Variants in FGF14 observed in about 807,000 individuals in gnomAD.
FGF14 encodes the protein fibroblast growth factor homologous factor 4.
A neutral mutation model predicts 25.5 loss-of-function variants in FGF14; 5 were observed. The ratio of observed to expected loss-of-function variants is 0.20; its 90% confidence interval spans 0.10 to 0.41. FGF14 has a LOEUF of 0.41. Among genes scored for constraint, FGF14 ranks in the 10% least tolerant of loss-of-function variants. FGF14 has a pLI of 1.00. For missense variants in FGF14, 222 were observed against 320.1 expected (o/e 0.69, Z 2.34); for synonymous variants, 138 against 118.3 (o/e 1.17, Z -1.08).
intron 1 of FGF14, among the ~76,000 whole-genome samples, chr13:102,364,272 G>A (rs1161602872): frequency 3.9e-5 from 6 of 152,206 alleles, no homozygotes; most frequent in African/African-American, 1.4e-4. Flanking sequence ...CAGGCACCAC[G>A]CTTGAGGTTT....
chr13:101,776,737 T>C (rs868743395), intron 3 of FGF14, among the ~76,000 whole-genome samples: 7 of 152,356 alleles, frequency 4.6e-5, no homozygotes, highest in Non-Finnish European at 7.3e-5. Flanking sequence ...TGTGCAATAC[T>C]GTCTTAGTAC....
intron 3 of FGF14, among the ~76,000 whole-genome samples, chr13:101,843,584 TAACTC>T (rs977599635): frequency 6.6e-6 from 1 of 152,032 alleles, no homozygotes; most frequent in African/African-American, 2.4e-5. Context: ...CTTGAGTAGT[TAACTC>T]TAGTTATAGG....
chr13:101,887,874 A>G (rs1242037120), intron 1 of FGF14, among the ~76,000 whole-genome samples: 2 of 152,202 alleles, frequency 1.3e-5, no homozygotes, highest in Non-Finnish European at 2.9e-5. Flanking sequence ...TTATGTATCA[A>G]AAAATTAACA....
At chr13:101,784,925 G>C (rs905254566) in intron 3 of FGF14, among the ~76,000 whole-genome samples, 1 of 152,202 alleles carries the variant, frequency 6.6e-6, no homozygotes, top group Admixed American at 6.5e-5. Flanking sequence ...CAATAGGCTA[G>C]TGAGGTCATG....
chr13:102,394,372 G>A lies in FGF14; in HGVS notation c.208+7099C>T, dbSNP rs1358605944. 3.3e-5 allele frequency: 5 copies of A among 152,570 alleles called. No homozygotes were observed. The East Asian group carries it at 9.6e-4, about 29-fold the overall frequency. The allele number at this position is 152,570 out of a possible 1,614,324, so 9.5% of individuals were successfully genotyped here. On this transcript the variant is annotated intron_variant, in intron 1 of 4. Coordinates refer to the FGF14 transcript ENST00000376131. ...GAGTGACCTTGCAAACCCGCGCCCCGCGGGCGGCAGAGCCGGCCGCTCACT... is the reference window on the plus strand; with the variant it reads ...GAGTGACCTTGCAAACCCGCGCCCCACGGGCGGCAGAGCCGGCCGCTCACT...
chr13:101,769,178 A>G (rs1183288181), intron 3 of FGF14, among the ~76,000 whole-genome samples: 1 of 152,208 alleles, frequency 6.6e-6, no homozygotes, highest in Non-Finnish European at 1.5e-5. Flanking sequence ...AAGAAGATAT[A>G]CAGATGGCAC....
chr13:101,947,739 A>T (rs1434732432), intron 1 of FGF14, among the ~76,000 whole-genome samples: 3 of 152,198 alleles, frequency 2.0e-5, no homozygotes, highest in Non-Finnish European at 4.4e-5. Context: ...TACTCTTCCC[A>T]CTACATAGGT....
chr13:101,813,542 A>C (rs748032292), intron 3 of FGF14, among the ~76,000 whole-genome samples: 2 of 152,154 alleles, frequency 1.3e-5, no homozygotes, highest in African/African-American at 4.8e-5. Context: ...CAGCCCCTAG[A>C]ATGGCAAAAA....
chr13:102,185,840 G>A (rs1181744688), intron 1 of FGF14, among the ~76,000 whole-genome samples: 1 of 152,134 alleles, frequency 6.6e-6, no homozygotes, highest in Non-Finnish European at 1.5e-5. Flanking sequence ...GCATTACTGC[G>A]ATGATATGAG....
intron 1 of FGF14, among the ~76,000 whole-genome samples, chr13:102,008,890 T>G (rs942562880): frequency 6.6e-6 from 1 of 152,176 alleles, no homozygotes; most frequent in Non-Finnish European, 1.5e-5. Context: ...TTACTCCTGT[T>G]ATACGATCTA....
In FGF14 at chr13:102,374,689, T is replaced by C. The variant is rs1380547116; in HGVS notation, c.208+26782A>G. ...ATATATATATATATATATATATATA[T>C]ATATATATGTCAGTAAGCAGACGTG... On this transcript the variant is annotated intron_variant, in intron 1 of 4. Transcript: ENST00000376131. Among the ~76,000 whole-genome samples the C allele has an allele frequency of 3.5e-5, 4 of 113,626 alleles. No homozygotes were observed. In the East Asian group the frequency reaches 8.7e-4, roughly 25 times the overall value. The allele number at this position is 113,626 out of a possible 152,430, so 74.5% of individuals were successfully genotyped here.
intron 1 of FGF14, among the ~76,000 whole-genome samples, chr13:102,047,414 G>A (rs953568150): frequency 6.6e-6 from 1 of 152,040 alleles, no homozygotes; most frequent in African/African-American, 2.4e-5. Flanking sequence ...AAAATTACTG[G>A]CCTGTTCAGG....
intron 1 of FGF14, among the ~76,000 whole-genome samples, chr13:102,156,324 G>A (rs2047336181): frequency 6.6e-6 from 1 of 152,138 alleles, no homozygotes; most frequent in Non-Finnish European, 1.5e-5. Flanking sequence ...GATCAAGTGG[G>A]CTTCATCCCT....
At position 101,740,063 on chromosome 13, in the gene FGF14, C is replaced by A. The variant is rs2036441187; in HGVS notation, c.409-13253G>T. Among the ~76,000 whole-genome samples, 2 of 152,198 alleles carry A rather than the reference C, an allele frequency of 1.3e-5. 1 individual carries two copies. The highest frequency in any genetic ancestry group is 4.1e-4 in the South Asian group (2 of 4,832). Reference sequence around the variant, plus strand: ...AGGGCATGAAACCCCTGTCACGTATCCCCTAGATTGCTCAATCAATCACAA... The same window carrying A: ...AGGGCATGAAACCCCTGTCACGTATACCCTAGATTGCTCAATCAATCACAA... On this transcript the variant is annotated intron_variant, in intron 3 of 4. Coordinates refer to ENST00000376143, the MANE Select transcript of FGF14 (RefSeq NM_004115.4).
intron 3 of FGF14, among the ~76,000 whole-genome samples, chr13:101,782,464 C>T (rs980911507): frequency 9.2e-5 from 14 of 152,098 alleles, no homozygotes; most frequent in African/African-American, 2.2e-4. Flanking sequence ...ATTTGTTGCA[C>T]GGATTATTTC....
chr13:102,308,916 C>CAAAAAAAAAAA (rs71125061), intron 1 of FGF14, among the ~76,000 whole-genome samples: 3 of 61,942 alleles, frequency 4.8e-5, no homozygotes, highest in Non-Finnish European at 9.4e-5. Context: ...GTTTCTTATA[C>CAAAAAAAAAAA]AAAAAAAAAA....
chr13:101,911,252 A>T (rs974549375), intron 1 of FGF14, among the ~76,000 whole-genome samples: 2 of 152,152 alleles, frequency 1.3e-5, no homozygotes, highest in African/African-American at 4.8e-5. Flanking sequence ...AAAGTATTCA[A>T]ATTCAAAATG....
At chr13:101,745,609 G>A (rs2139808906) in intron 3 of FGF14, among the ~76,000 whole-genome samples, 1 of 152,128 alleles carries the variant, frequency 6.6e-6, no homozygotes, top group East Asian at 1.9e-4. Flanking sequence ...AAATCATACA[G>A]TATGTAGTCT....
chr13:101,912,152 T>A (rs545197521), intron 1 of FGF14, among the ~76,000 whole-genome samples: 1 of 152,274 alleles, frequency 6.6e-6, no homozygotes, highest in Non-Finnish European at 1.5e-5. Context: ...CAAAGCAGTT[T>A]ATTTCTATAG....
Sources: gnomAD v4.1 joint callset for allele counts (sites outside exome capture counted in the v4.1 genomes callset) on GRCh38, gnomAD v4.1.1 for gene constraint, MANE v1.5 for transcripts, NCBI Gene and HGNC (gene_info 2026-07-23, HGNC 2026-07-21) for gene names.